The following ADAM30 variants were observed in gnomAD, a reference collection of about 807,000 sequenced individuals.
ADAM30 encodes the protein disintegrin and metalloproteinase domain-containing protein 30.
For missense variants in ADAM30, 960 were observed against 959.4 expected (o/e 1.00, Z -0.01); for synonymous variants, 382 against 340.9 (o/e 1.12, Z -1.33).
rs760941629 is a variant in ADAM30, at chr1:119,895,403, C to G, written c.934G>C (p.Val312Leu). Residue 312 changes from valine to leucine, a missense_variant, in exon 1 of 1, where the codon GTG becomes CTG. Transcript: ENST00000369400. Reference protein sequence around the residue: ...NDALAWSFGKVCSLEYAGSVS... With the variant: ...NDALAWSFGKLCSLEYAGSVS... Reference sequence around the variant, plus strand: ...GATCCAGCATATTCTAGAGAACACACTTTTCCAAACGACCATGCAAGAGCA... The same window carrying G: ...GATCCAGCATATTCTAGAGAACACAGTTTTCCAAACGACCATGCAAGAGCA... The G allele has an allele frequency of 1.4e-5, 23 of 1,613,818 alleles. No homozygotes were observed. The highest frequency in any genetic ancestry group is 6.7e-5 in the Admixed American group (4 of 59,974).
rs587603181 is a variant in ADAM30, at chr1:119,896,505, C to A, written c.-169G>T. 5 of 1,050,326 alleles carry A rather than the reference C, an allele frequency of 4.8e-6. No individual in the cohort carries two copies. The East Asian group carries it at 1.4e-4, about 29-fold the overall frequency. 65.1% of individuals were successfully genotyped at this position (1,050,326 alleles called of 1,614,324 possible). A position where few individuals can be genotyped will look rare whatever the true frequency, so the allele number is the denominator to read the frequency against. ...TCCCAGGGCTCGGTCTAGCTGGCGT[C>A]CGCAATGCGCGCGTGACCTGTCCAA... is the stretch of plus-strand genomic sequence containing the variant. On this transcript the variant is annotated 5_prime_UTR_variant, in exon 1 of 1. Transcript: ENST00000369400.
Position 119,896,262 on chromosome 1 carries a change from A to C in ADAM30, c.75T>G (p.Ser25=). The C allele has an allele frequency of 1.9e-6, 3 of 1,613,342 alleles. No homozygotes were observed. Among genetic ancestry groups the C allele is most frequent in the Non-Finnish European group, 2.5e-6 (3 of 1,179,654 alleles). The change falls in exon 1 of 1, where the codon TCT becomes TCG. Residue 25 remains serine (S), a synonymous_variant. Coordinates refer to ENST00000369400, the MANE Select transcript of ADAM30 (RefSeq NM_021794.4). ...GGTGAAAAATTACATCTTCGCCAAGAGACTTAAGGAGCATTGTCGGAACTA... is the reference window on the plus strand; with the variant it reads ...GGTGAAAAATTACATCTTCGCCAAGCGACTTAAGGAGCATTGTCGGAACTA... The part of the protein sequence containing the change: ...LLLVPTMLLK[S]LGEDVIFHPE...
Position 119,894,470 on chromosome 1 carries a change from A to G in ADAM30, c.1867T>C (p.Cys623Arg). The change falls in exon 1 of 1, where the codon TGC becomes CGC. Residue 623 changes from cysteine to arginine, a missense_variant. Physicochemically the swap from Cys to Arg is radical, Grantham distance 180. Coordinates refer to ENST00000369400, the MANE Select transcript of ADAM30 (RefSeq NM_021794.4). ...GEGRVCFKKN[C>R]VNSSVLQFDC... is the part of the protein sequence containing the mutation. ...AACTGCAGGACTGAGCTATTGACGC[A>G]ATTTTTTTTAAAACATACCCGGCCT... 3 of 1,614,100 alleles carry G rather than the reference A, an allele frequency of 1.9e-6. 1 individual carries two copies. Among genetic ancestry groups the G allele is most frequent in the Non-Finnish European group, 2.5e-6 (3 of 1,180,040 alleles).
chr1:119,895,569 C>T lies in ADAM30; in HGVS notation c.768G>A (p.Trp256Ter). Residue 256 changes from tryptophan to a stop codon, truncating the protein, a stop_gained, in exon 1 of 1, where the codon TGG becomes TGA. Transcript: ENST00000369400. LOFTEE classifies it low-confidence loss of function (END_TRUNC). ...CAACGCGTATTTTGTTAAAATCTGT[C>T]CATACTTCAAGAGCCTTTAAGTGTA... The part of the protein sequence containing the change: ...MRIHLKALEV[W>*]TDFNKIRVGY... 6.2e-7 allele frequency: 1 copy of T among 1,613,804 alleles called. No individual in the cohort carries two copies. Among genetic ancestry groups the T allele is most frequent in the Non-Finnish European group, 8.5e-7 (1 of 1,180,012 alleles).
chr1:119,894,467 C>A lies in ADAM30; in HGVS notation c.1870G>T (p.Val624Phe). Residue 624 changes from valine to phenylalanine, a missense_variant, in exon 1 of 1, where the codon GTC (valine) becomes TTC (phenylalanine). Coordinates refer to ENST00000369400, the MANE Select transcript of ADAM30 (RefSeq NM_021794.4). ...TCAAACTGCAGGACTGAGCTATTGA[C>A]GCAATTTTTTTTAAAACATACCCGG... ...EGRVCFKKNC[V>F]NSSVLQFDCL... 1 of 1,614,118 alleles carries A rather than the reference C, an allele frequency of 6.2e-7. No homozygotes were observed. Among genetic ancestry groups the A allele is most frequent in the Non-Finnish European group, 8.5e-7 (1 of 1,180,028 alleles).
rs1557795532 is a variant in ADAM30, at chr1:119,895,861, AC to A, written c.475del (p.Val159SerfsTer4). On this transcript the variant is annotated frameshift_variant, in exon 1 of 1. Transcript: ENST00000369400. LOFTEE classifies it low-confidence loss of function (END_TRUNC). ...LKASPSFEHV[V>X]YLLKKEQFGN... Reference sequence around the variant, plus strand: ...AAACTGCTCTTTCTTCAGGAGATAGACGACATGTTCAAAACTGGGAGAGGCC... The same window carrying A: ...AAACTGCTCTTTCTTCAGGAGATAGAGACATGTTCAAAACTGGGAGAGGCC... The A allele has an allele frequency of 6.2e-7, 1 of 1,614,176 alleles. No homozygotes were observed. The highest frequency in any genetic ancestry group is 8.5e-7 in the Non-Finnish European group (1 of 1,180,044).
chr1:119,893,804 G>A lies in ADAM30; in HGVS notation c.*160C>T. Reference sequence around the variant, plus strand: ...GAACACTCGAGAAGTAGAATGCACTGGTTTGTTTCCAAAACAAGAATGCTG... The same window carrying A: ...GAACACTCGAGAAGTAGAATGCACTAGTTTGTTTCCAAAACAAGAATGCTG... On this transcript the variant is annotated 3_prime_UTR_variant, in exon 1 of 1. Transcript: ENST00000369400. The A allele has an allele frequency of 7.1e-7, 1 of 1,404,946 alleles. No individual in the cohort carries two copies. The highest frequency in any genetic ancestry group is 9.4e-7 in the Non-Finnish European group (1 of 1,060,192). 87.0% of individuals were successfully genotyped at this position (1,404,946 alleles called of 1,614,324 possible).
At position 119,894,723 on chromosome 1, in the gene ADAM30, A is replaced by AATC; in HGVS notation, c.1611_1613dup (p.Glu537_Ile538insMet). On this transcript the variant is annotated inframe_insertion, in exon 1 of 1. Coordinates refer to ENST00000369400, the MANE Select transcript of ADAM30 (RefSeq NM_021794.4). Reference sequence around the variant, plus strand: ...ACTTTTTAAAATTTCGAATTCCTGTAATCTCACAGTTACCAAATTGATCAC... The same window carrying AATC: ...ACTTTTTAAAATTTCGAATTCCTGTAATCATCTCACAGTTACCAAATTGATCAC... 6.2e-7 allele frequency: 1 copy of AATC among 1,614,180 alleles called. No individual in the cohort carries two copies. Among genetic ancestry groups the AATC allele is most frequent in the Non-Finnish European group, 8.5e-7 (1 of 1,180,026 alleles).
In ADAM30 at chr1:119,895,452, TA is replaced by T. The variant is rs1557795196; in HGVS notation, c.884del (p.Leu295TyrfsTer21). The T allele has an allele frequency of 3.7e-6, 6 of 1,613,962 alleles. No homozygotes were observed. The highest frequency in any genetic ancestry group is 5.1e-6 in the Non-Finnish European group (6 of 1,179,996). ...CATCATTATATTTTCTTTGAAGATA[TA>T]AATGTGCCCAATCTGATGACAGGCG... ...NARLSSDWAH[L>X]YLQRKYNDAL... On this transcript the variant is annotated frameshift_variant, in exon 1 of 1. Transcript: ENST00000369400. LOFTEE classifies it low-confidence loss of function (END_TRUNC).
In ADAM30 at chr1:119,895,961, T is replaced by C. The variant is rs777110616; in HGVS notation, c.376A>G (p.Ile126Val). The C allele has an allele frequency of 2.3e-5, 37 of 1,614,170 alleles. No homozygotes were observed. The highest frequency in any genetic ancestry group is 2.2e-4 in the South Asian group (20 of 91,086). The part of the protein sequence containing the change: ...VKESLDSKAT[I>V]STCMGGLRGV... ...CGGAGACCCCCCATGCATGTGCTTA[T>C]AGTAGCTTTAGAGTCCAGAGACTCT... The change falls in exon 1 of 1, where the codon ATA (isoleucine) becomes GTA (valine). Residue 126 changes from isoleucine to valine, a missense_variant. Physicochemically the swap from Ile to Val is conservative, Grantham distance 29 (BLOSUM62 3). Coordinates refer to ENST00000369400, the MANE Select transcript of ADAM30 (RefSeq NM_021794.4).
At position 119,895,014 on chromosome 1, in the gene ADAM30, A is replaced by G. The variant is rs587718011; in HGVS notation, c.1323T>C (p.Ile441=). ...ACCGACAATCATGACAGCAAAGTCC[A>G]ATGCTACAGTTGGCACCTGGTTGCA... ...CKLQPGANCS[I]GLCCHDCRFR... The change falls in exon 1 of 1, where the codon ATT becomes ATC. Residue 441 remains isoleucine (I), a synonymous_variant. Transcript: ENST00000369400. The G allele has an allele frequency of 8.7e-6, 14 of 1,614,202 alleles. No individual in the cohort carries two copies. In the Admixed American group the frequency reaches 1.7e-4, roughly 19 times the overall value.
Position 119,895,311 on chromosome 1 carries a change from A to G in ADAM30, c.1026T>C (p.His342=). 3 of 1,614,186 alleles carry G rather than the reference A, an allele frequency of 1.9e-6. No homozygotes were observed. Among genetic ancestry groups the G allele is most frequent in the Non-Finnish European group, 1.7e-6 (2 of 1,180,030 alleles). ...PATWSAHELG[H]AVGMSHDEQY... The stretch of plus-strand genomic sequence containing the variant: ...GTTCATCATGTGACATTCCTACAGC[A>G]TGACCCAGCTCATGAGCAGACCAGG... Residue 342 remains histidine, a synonymous_variant, in exon 1 of 1, where the codon CAT becomes CAC. Transcript: ENST00000369400.
At position 119,894,849 on chromosome 1, in the gene ADAM30, G is replaced by T; in HGVS notation, c.1488C>A (p.Phe496Leu). The change falls in exon 1 of 1, where the codon TTC (phenylalanine) becomes TTA (leucine). Residue 496 changes from phenylalanine (F) to leucine (L), a missense_variant. By Grantham distance (22) the Phe-to-Leu change is conservative (BLOSUM62 0). Transcript: ENST00000369400. ...TATATCTGGATCTGCACCCCTTCCT[G>T]AAACAACGGCCTTCATACTTGCAAG... ...GTPCKYEGRC[F>L]RKGCRSRYMQ... The T allele has an allele frequency of 6.2e-7, 1 of 1,614,128 alleles. No homozygotes were observed. Among genetic ancestry groups the T allele is most frequent in the Non-Finnish European group, 8.5e-7 (1 of 1,180,022 alleles).
chr1:119,893,986 C>G lies in ADAM30; in HGVS notation c.2351G>C (p.Ser784Thr). 1 of 1,610,362 alleles carries G rather than the reference C, an allele frequency of 6.2e-7. No individual in the cohort carries two copies. The highest frequency in any genetic ancestry group is 2.2e-5 in the East Asian group (1 of 44,882). Residue 784 changes from serine to threonine, a missense_variant, in exon 1 of 1, where the codon AGT becomes ACT. Coordinates refer to ENST00000369400, the MANE Select transcript of ADAM30 (RefSeq NM_021794.4). ...CGGTTACTTTTTTTGTTTCTTGACA[C>G]TCTTTGCTTTGGGTCGTTTACTTTC... Reference protein sequence around the residue: ...NIESKRPKAKSVKKQKK With the variant: ...NIESKRPKAKTVKKQKK
Position 119,895,625 on chromosome 1 carries a change from C to T in ADAM30, c.712G>A (p.Asp238Asn). Reference protein sequence around the residue: ...HDAILLTGIMDTYFQDVRMRI... With the variant: ...HDAILLTGIMNTYFQDVRMRI... The stretch of plus-strand genomic sequence containing the variant: ...ATACGAACATCTTGAAAGTAGGTGT[C>T]CATAATCCCAGTCAAAAGAATGGCA... The change falls in exon 1 of 1, where the codon GAC (aspartate) becomes AAC (asparagine). Residue 238 changes from aspartate (D) to asparagine (N), a missense_variant. Transcript: ENST00000369400. 1.2e-6 allele frequency: 2 copies of T among 1,614,012 alleles called. No homozygotes were observed. The highest frequency in any genetic ancestry group is 1.7e-6 in the Non-Finnish European group (2 of 1,180,030).
Position 119,894,494 on chromosome 1 carries a change from C to G in ADAM30, c.1843G>C (p.Gly615Arg). 6.2e-7 allele frequency: 1 copy of G among 1,614,144 alleles called. No homozygotes were observed. Among genetic ancestry groups the G allele is most frequent in the Non-Finnish European group, 8.5e-7 (1 of 1,180,048 alleles). Residue 615 changes from glycine (G) to arginine (R), a missense_variant, in exon 1 of 1, where the codon GGC (glycine) becomes CGC (arginine). Coordinates refer to ENST00000369400, the MANE Select transcript of ADAM30 (RefSeq NM_021794.4). Reference sequence around the variant, plus strand: ...CAATTTTTTTTAAAACATACCCGGCCTTCTCCACAGGAGGTGCCATCATTT... The same window carrying G: ...CAATTTTTTTTAAAACATACCCGGCGTTCTCCACAGGAGGTGCCATCATTT... ...MINDGTSCGE[G>R]RVCFKKNCVN...
Position 119,896,263 on chromosome 1 carries a change from G to A in ADAM30, c.74C>T (p.Ser25Phe). 1 of 1,613,378 alleles carries A rather than the reference G, an allele frequency of 6.2e-7. No homozygotes were observed. The highest frequency in any genetic ancestry group is 2.2e-5 in the East Asian group (1 of 44,882). The change falls in exon 1 of 1, where the codon TCT becomes TTT. Residue 25 changes from serine to phenylalanine, a missense_variant. Transcript: ENST00000369400. ...LLLVPTMLLKSLGEDVIFHPE... is the reference protein window; with the variant it reads ...LLLVPTMLLKFLGEDVIFHPE... Reference sequence around the variant, plus strand: ...GTGAAAAATTACATCTTCGCCAAGAGACTTAAGGAGCATTGTCGGAACTAG... The same window carrying A: ...GTGAAAAATTACATCTTCGCCAAGAAACTTAAGGAGCATTGTCGGAACTAG...
Position 119,894,189 on chromosome 1 carries a change from T to C in ADAM30, c.2148A>G (p.Leu716=). 2 of 1,613,516 alleles carry C rather than the reference T, an allele frequency of 1.2e-6. No homozygotes were observed. Among genetic ancestry groups the C allele is most frequent in the Non-Finnish European group, 1.7e-6 (2 of 1,179,926 alleles). ...GTGGCATTTTTTCCTGTTTGGGTTT[T>C]AAGTGGTTTCCTATCACTTGCCGGA... The part of the protein sequence containing the change: ...VFFRQVIGNH[L]KPKQEKMPLS... The change falls in exon 1 of 1, where the codon TTA becomes TTG. Residue 716 remains leucine, a synonymous_variant. Coordinates refer to ENST00000369400, the MANE Select transcript of ADAM30 (RefSeq NM_021794.4).
At position 119,894,790 on chromosome 1, in the gene ADAM30, A is replaced by G. The variant is rs1438752484; in HGVS notation, c.1547T>C (p.Met516Thr). The G allele has an allele frequency of 6.2e-7, 1 of 1,614,228 alleles. No individual in the cohort carries two copies. Residue 516 changes from methionine to threonine, a missense_variant, in exon 1 of 1, where the codon ATG becomes ACG. Transcript: ENST00000369400. The stretch of plus-strand genomic sequence containing the variant: ...ATCATAGCACTCACTAGGAGCCTCC[A>G]TGGCATCAGGTCCAAAAATGCTTTG... ...QCQSIFGPDA[M>T]EAPSECYDAV...
Sources: allele counts gnomAD v4.1 joint callset, GRCh38; gene constraint gnomAD v4.1.1; transcripts MANE v1.5; gene names NCBI Gene and HGNC (gene_info 2026-07-23, HGNC 2026-07-21).